GALNTL6: variants seen among roughly 807,000 people sequenced by gnomAD.
GALNTL6 encodes polypeptide N-acetylgalactosaminyltransferase-like 6.
GALNTL6 carries 46 observed loss-of-function variants against 73.7 expected under a neutral mutation model. That is an observed-to-expected ratio of 0.62 (90% CI 0.49 to 0.80). The LOEUF (loss-of-function observed/expected upper bound fraction) is 0.80, where lower values mean the gene tolerates loss of function less well. Among genes scored for constraint, GALNTL6 ranks in the 30% least tolerant of loss-of-function variants. The pLI is 0.00. For synonymous variants in GALNTL6, 259 were observed against 263.7 expected (o/e 0.98, Z 0.17); for missense variants, 604 against 755.0 (o/e 0.80, Z 2.34).
At chr4:172,277,210 G>T (rs1738863159) in intron 3 of GALNTL6, among the ~76,000 whole-genome samples, 1 of 151,946 alleles carries the variant, frequency 6.6e-6, no homozygotes, top group African/African-American at 2.4e-5. Context: ...ACTCAGTGAG[G>T]AGTGGAAGAA....
chr4:172,613,552 C>G (rs1435987179), intron 5 of GALNTL6, among the ~76,000 whole-genome samples: 1 of 151,910 alleles, frequency 6.6e-6, no homozygotes, highest in Non-Finnish European at 1.5e-5. Flanking sequence ...AAGCATAAGA[C>G]ATGATCTAAT....
chr4:171,945,406 A>G (rs1427111985), intron 2 of GALNTL6, among the ~76,000 whole-genome samples: 1 of 152,144 alleles, frequency 6.6e-6, no homozygotes, highest in Non-Finnish European at 1.5e-5. Context: ...AATAGCTGCT[A>G]GATGAAACCA....
rs562311940 is a variant in GALNTL6 at position 172,450,727 on chromosome 4, G to C, written c.553+102038G>C. Among the ~76,000 whole-genome samples the C allele has an allele frequency of 6.6e-5, 10 of 152,334 alleles. 1 individual carries two copies. In the South Asian group the frequency reaches 1.7e-3, roughly 25 times the overall value. The stretch of plus-strand genomic sequence containing the variant: ...TTCCTTTTTGTCTTTTGAACAAACA[G>C]AGCTAATACGTGCATCAGAGATTTA... On this transcript the variant is annotated intron_variant, in intron 5 of 12. Coordinates refer to ENST00000506823, the MANE Select transcript of GALNTL6 (RefSeq NM_001034845.3).
chr4:172,288,122 A>C (rs1739328911), intron 3 of GALNTL6, among the ~76,000 whole-genome samples: 1 of 142,308 alleles, frequency 7.0e-6, no homozygotes, highest in African/African-American at 2.8e-5. Flanking sequence ...ATGGGTTTTC[A>C]CTCTCTCTCC....
At chr4:172,412,602 T>C (rs1744488746) in intron 5 of GALNTL6, among the ~76,000 whole-genome samples, 1 of 152,184 alleles carries the variant, frequency 6.6e-6, no homozygotes, top group African/African-American at 2.4e-5. Flanking sequence ...AATATTTTGA[T>C]AGCTAAACTT....
rs370485643 is a variant in GALNTL6, at chr4:172,809,153, CA to C, written c.554-202del. On this transcript the variant is annotated intron_variant, in intron 5 of 12. Transcript: ENST00000506823. This position sits in a 1 kb window ranked among gnomAD's most constrained non-coding sequence, Gnocchi z 4.4. The stretch of plus-strand genomic sequence containing the variant: ...CTGGCATGTCAGTGACTTTTGTGTT[CA>C]AAAAAGGGCAATATTTGCAGTTTAC... Among the ~76,000 whole-genome samples the C allele has an allele frequency of 1.3e-4, 20 of 152,054 alleles. No individual in the cohort carries two copies. The highest frequency in any genetic ancestry group is 4.6e-4 in the African/African-American group (19 of 41,496).
chr4:172,255,019 T>C (rs1738024185), intron 3 of GALNTL6, among the ~76,000 whole-genome samples: 1 of 151,692 alleles, frequency 6.6e-6, no homozygotes, highest in Admixed American at 6.6e-5. Context: ...AATTTGTTCA[T>C]ATAAGACATC....
chr4:172,544,391 T>C (rs902878623), intron 5 of GALNTL6, among the ~76,000 whole-genome samples: 1 of 152,154 alleles, frequency 6.6e-6, no homozygotes, highest in Admixed American at 6.5e-5. Context: ...CTTCTTTGAC[T>C]CTCCCAATCC....
At chr4:172,832,193 C>A (rs1471798329) in intron 7 of GALNTL6, among the ~76,000 whole-genome samples, 1 of 152,178 alleles carries the variant, frequency 6.6e-6, no homozygotes, top group African/African-American at 2.4e-5. Flanking sequence ...AGATTCACTT[C>A]TTGATCTGTC....
intron 5 of GALNTL6, among the ~76,000 whole-genome samples, chr4:172,665,537 A>T (rs1031367938): frequency 9.8e-5 from 15 of 152,374 alleles, no homozygotes; most frequent in African/African-American, 3.6e-4. Flanking sequence ...CCACACCTGC[A>T]GTCCCATTCC....
At chr4:172,356,651 G>A (rs1742173268) in intron 5 of GALNTL6, among the ~76,000 whole-genome samples, 1 of 152,106 alleles carries the variant, frequency 6.6e-6, no homozygotes, top group Non-Finnish European at 1.5e-5. Flanking sequence ...AATGTTTTAT[G>A]TCAACTGAGG....
intron 4 of GALNTL6, among the ~76,000 whole-genome samples, chr4:172,318,820 GA>G (rs1258919961): frequency 2.7e-5 from 4 of 150,458 alleles, no homozygotes; most frequent in East Asian, 3.9e-4. Flanking sequence ...CAGTGCACAT[GA>G]AAAAAAAATC....
In GALNTL6 at chr4:171,903,903, A is replaced by G. The variant is rs533579214; in HGVS notation, c.138+89185A>G. Among the ~76,000 whole-genome samples, 159 of 151,586 alleles carry G rather than the reference A, an allele frequency of 1.0e-3. 1 individual carries two copies. The highest frequency in any genetic ancestry group is 6.9e-3 in the South Asian group (33 of 4,776). On this transcript the variant is annotated intron_variant, in intron 2 of 12. Transcript: ENST00000506823. ...GGGCAGACTGACACCTCACACGGCC[A>G]GGTACTCCAACAGACCTGCAGCTGA... is the stretch of plus-strand genomic sequence containing the variant.
At chr4:172,537,237 AG>A (rs1429954909) in intron 5 of GALNTL6, among the ~76,000 whole-genome samples, 3 of 152,216 alleles carry the variant, frequency 2.0e-5, no homozygotes, top group Non-Finnish European at 4.4e-5. Context: ...CGGAGGGGCC[AG>A]GGTGGAATGA....
At chr4:172,457,870 A>G (rs1161173716) in intron 5 of GALNTL6, among the ~76,000 whole-genome samples, 2 of 152,208 alleles carry the variant, frequency 1.3e-5, no homozygotes, top group Non-Finnish European at 2.9e-5. Context: ...TCTAACAGAC[A>G]TCTACAGAAC....
intron 10 of GALNTL6, among the ~76,000 whole-genome samples, chr4:172,976,952 G>A (rs1429181844): frequency 2.0e-5 from 3 of 152,230 alleles, no homozygotes; most frequent in Non-Finnish European, 4.4e-5. Context: ...AGAAATCCAG[G>A]TGTGAGTAAA....
At chr4:172,900,102 T>C (rs1249189209) in intron 8 of GALNTL6, among the ~76,000 whole-genome samples, 1 of 152,134 alleles carries the variant, frequency 6.6e-6, no homozygotes, top group Non-Finnish European at 1.5e-5. Flanking sequence ...TTACCCAGCC[T>C]CTATTCAAGA....
At chr4:172,251,557 T>A (rs182615758) in intron 3 of GALNTL6, among the ~76,000 whole-genome samples, 36 of 152,238 alleles carry the variant, frequency 2.4e-4, no homozygotes, top group African/African-American at 7.9e-4. Context: ...CTTCCCTACA[T>A]CTGGTCCTGA....
intron 5 of GALNTL6, among the ~76,000 whole-genome samples, chr4:172,358,874 A>G (rs1352543349): frequency 6.6e-6 from 1 of 150,890 alleles, no homozygotes; most frequent in Non-Finnish European, 1.5e-5. Flanking sequence ...AAAAAAAAAA[A>G]AAAAAAAACA....
Sources: allele counts gnomAD v4.1 joint callset (sites outside exome capture counted in the v4.1 genomes callset), GRCh38; gene constraint gnomAD v4.1.1; non-coding constraint Gnocchi (gnomAD v3.1); transcripts MANE v1.5; gene names NCBI Gene and HGNC (gene_info 2026-07-23, HGNC 2026-07-21).